FOLR2: variants seen among roughly 807,000 people sequenced by gnomAD.
FOLR2 encodes folate receptor 2 (fetal).
FOLR2 carries 14 observed loss-of-function variants against 20.4 expected under a neutral mutation model. The ratio of observed to expected loss-of-function variants is 0.68; its 90% CI spans 0.45 to 1.07. The LOEUF (loss-of-function observed/expected upper bound fraction) is 1.07, where lower values mean the gene tolerates loss of function less well. FOLR2 is among the 50% of genes least tolerant of loss of function. The pLI is 0.00. For missense variants in FOLR2, 269 were observed against 322.6 expected, an observed-to-expected ratio of 0.83 and a Z score of 1.27; for synonymous variants, 114 against 114.3, an observed-to-expected ratio of 1.00 and a Z score of 0.02.
chr11:72,217,376 G>A (rs1948408761), intron 1 of FOLR2: 3 of 1,289,294 alleles, frequency 2.3e-6, no homozygotes, highest in Non-Finnish European at 3.0e-6. Context: ...CAACTTGAAG[G>A]GGAAGAAATT....
intron 2 of FOLR2, 45 bp downstream of exon 2, chr11:72,218,779 C>T (rs1319562425): frequency 1.2e-5 from 19 of 1,543,322 alleles, no homozygotes; most frequent in African/African-American, 2.7e-5. Context: ...CTTGTTCTAA[C>T]AGGGAGGAGA....
chr11:72,217,305 G>A, intron 1 of FOLR2: 2 of 1,180,260 alleles, frequency 1.7e-6, no homozygotes, highest in African/African-American at 3.1e-5. Context: ...TTACAGGCGT[G>A]AGCCACTGTG....
In FOLR2 at chr11:72,221,780, T is replaced by C; in HGVS notation, c.*18T>C. On this transcript the variant is annotated 3_prime_UTR_variant, in exon 5 of 5. Coordinates refer to ENST00000298223, the MANE Select transcript of FOLR2 (RefSeq NM_000803.5). ...TTGGCTGAGTTCAGTCCTCCCAGAC[T>C]ACCTGCCCTCAGCTTGGATAACCAG... The C allele has an allele frequency of 6.2e-7, 1 of 1,606,964 alleles. No individual in the cohort carries two copies. Among genetic ancestry groups the C allele is most frequent in the Non-Finnish European group, 8.5e-7 (1 of 1,174,948 alleles).
chr11:72,219,095 G>A (rs1318259811), intron 2 of FOLR2, among the ~76,000 whole-genome samples: 1 of 152,230 alleles, frequency 6.6e-6, no homozygotes, highest in East Asian at 1.9e-4. Flanking sequence ...GCCCACACAG[G>A]AGCTGGACAT....
At position 72,221,708 on chromosome 11, in the gene FOLR2, T is replaced by TG; in HGVS notation, c.719dup (p.Leu241SerfsTer44). ...ATGCTGGTGAGATGCTTCATGGGACTGGGGGTCTCCTGCTCAGTCTGGCCC... is the reference window on the plus strand; with the variant it reads ...ATGCTGGTGAGATGCTTCATGGGACTGGGGGGTCTCCTGCTCAGTCTGGCCC... On this transcript the variant is annotated frameshift_variant, in exon 5 of 5. Transcript: ENST00000298223. LOFTEE classifies it low-confidence loss of function (END_TRUNC). The TG allele has an allele frequency of 4.3e-6, 7 of 1,614,066 alleles. No individual in the cohort carries two copies. Among genetic ancestry groups the TG allele is most frequent in the Non-Finnish European group, 5.9e-6 (7 of 1,179,926 alleles).
chr11:72,221,067 T>TCGGGGGGGGGGGGCGCCCCCCCCCCCCCC lies in FOLR2; in HGVS notation c.339+10_339+11insGGGGGGGGGGGGCGCCCCCCCCCCCCCCC. The TCGGGGGGGGGGGGCGCCCCCCCCCCCCCC allele has an allele frequency of 6.4e-7, 1 of 1,570,114 alleles. No individual in the cohort carries two copies. The highest frequency in any genetic ancestry group is 8.7e-7 in the Non-Finnish European group (1 of 1,154,910). On this transcript the variant is annotated intron_variant, in intron 3 of 4. Transcript: ENST00000298223. ...GGCCCTGGATCCAGCAGGTAGGGTG[T>TCGGGGGGGGGGGGCGCCCCCCCCCCCCCC]CTCCCCCCCACCCACCCCAGCAGAC...
At chr11:72,219,670 G>C (rs1296503943) in intron 2 of FOLR2, among the ~76,000 whole-genome samples, 1 of 152,110 alleles carries the variant, frequency 6.6e-6, no homozygotes, top group Non-Finnish European at 1.5e-5. Flanking sequence ...CAATGTTGCT[G>C]TTGATGTCAT....
intron 2 of FOLR2, among the ~76,000 whole-genome samples, chr11:72,220,528 A>G (rs1591258415): frequency 6.6e-6 from 1 of 152,234 alleles, no homozygotes; most frequent in East Asian, 1.9e-4. Flanking sequence ...CCCAGCATCT[A>G]TAACCGTGAC....
In FOLR2 at chr11:72,221,509, T is replaced by C. The variant is rs1013777420; in HGVS notation, c.515T>C (p.Phe172Ser). 2 of 1,613,950 alleles carry C rather than the reference T, an allele frequency of 1.2e-6. No homozygotes were observed. The highest frequency in any genetic ancestry group is 2.7e-5 in the African/African-American group (2 of 75,040). Residue 172 changes from phenylalanine to serine, a missense_variant, in exon 5 of 5, where the codon TTT (phenylalanine) becomes TCT (serine). Phe to Ser is a radical substitution (Grantham distance 155, BLOSUM62 -2). Transcript: ENST00000298223. ...CCAGCTGGGGCTCTCTGCCGCACCT[T>C]TGAGTCCTACTTCCCCACTCCAGCT... is the stretch of plus-strand genomic sequence containing the variant. Reference protein sequence around the residue: ...KCPAGALCRTFESYFPTPAAL... With the variant: ...KCPAGALCRTSESYFPTPAAL...
chr11:72,220,732 A>T (rs988785237), intron 2 of FOLR2, 138 bp from the exon 3 acceptor site: 12 of 1,015,154 alleles, frequency 1.2e-5, no homozygotes, highest in Non-Finnish European at 1.6e-5. Context: ...GGAGAGAGGG[A>T]CCATCATCTG....
chr11:72,220,134 C>T (rs74236654), intron 2 of FOLR2, among the ~76,000 whole-genome samples: 2,348 of 152,312 alleles, frequency 0.015, 26 homozygotes, highest in East Asian at 0.047. Context: ...CGAGCCACCA[C>T]GCCCAGCCTG....
At position 72,221,067 on chromosome 11, in the gene FOLR2, T is replaced by TCGGGGGGGGGGCCCCCC; in HGVS notation, c.339+10_339+11insGGGGGGGGGGCCCCCCC. 2.0e-5 allele frequency: 31 copies of TCGGGGGGGGGGCCCCCC among 1,569,614 alleles called. No homozygotes were observed. Among genetic ancestry groups the TCGGGGGGGGGGCCCCCC allele is most frequent in the African/African-American group, 2.8e-5 (2 of 71,412 alleles). ...GGCCCTGGATCCAGCAGGTAGGGTG[T>TCGGGGGGGGGGCCCCCC]CTCCCCCCCACCCACCCCAGCAGAC... On this transcript the variant is annotated intron_variant, in intron 3 of 4. Transcript: ENST00000298223.
chr11:72,217,514 C>T (rs1948411148), intron 1 of FOLR2: 3 of 678,312 alleles, frequency 4.4e-6, no homozygotes, highest in Non-Finnish European at 6.9e-6. Context: ...AAAGGAACAG[C>T]TCTGTAATGG....
At chr11:72,220,244 GAATA>G (rs2135402884) in intron 2 of FOLR2, among the ~76,000 whole-genome samples, 1 of 152,272 alleles carries the variant, frequency 6.6e-6, no homozygotes, top group Admixed American at 6.5e-5. Context: ...ATGCCAAGAA[GAATA>G]AATATATTCA....
At chr11:72,220,501 T>C (rs993755496) in intron 2 of FOLR2, among the ~76,000 whole-genome samples, 32 of 152,258 alleles carry the variant, frequency 2.1e-4, no homozygotes, top group Non-Finnish European at 4.4e-4. Context: ...TCTGTCTGTT[T>C]TGTTCTCTTC....
Position 72,216,942 on chromosome 11 carries a change from A to C in FOLR2, c.-25+17A>C. The stretch of plus-strand genomic sequence containing the variant: ...GAGGTTCAGGCAAGATGCCCGAAGG[A>C]GGGAAGGGTGACAAGGGCAGTGGGG... On this transcript the variant is annotated intron_variant, in intron 1 of 4. Coordinates refer to ENST00000298223, the MANE Select transcript of FOLR2 (RefSeq NM_000803.5). 6.3e-7 allele frequency: 1 copy of C among 1,599,448 alleles called. No individual in the cohort carries two copies. The highest frequency in any genetic ancestry group is 8.5e-7 in the Non-Finnish European group (1 of 1,179,726).
intron 1 of FOLR2, among the ~76,000 whole-genome samples, chr11:72,218,237 G>A (rs1459335417): frequency 1.3e-5 from 2 of 152,182 alleles, no homozygotes; most frequent in Non-Finnish European, 2.9e-5. Context: ...GGGAAGCAGA[G>A]GATAGACCTG....
chr11:72,221,947 T>A lies in FOLR2; in HGVS notation c.*185T>A, dbSNP rs994866857. The A allele has an allele frequency of 6.6e-6, 4 of 610,680 alleles. No individual in the cohort carries two copies. Among genetic ancestry groups the A allele is most frequent in the Non-Finnish European group, 1.1e-5 (4 of 352,560 alleles). The allele number at this position is 610,680 out of a possible 1,614,324, so 37.8% of individuals were successfully genotyped here. On this transcript the variant is annotated 3_prime_UTR_variant, in exon 5 of 5. Transcript: ENST00000298223. ...AATAAACAGACTGTTTTCTAATAAT[T>A]CCATGTCTGTGGAATTGTTTTGGTT...
rs114261779 is a variant in FOLR2, at chr11:72,218,412, C to T, written c.-24-149C>T. ...AGCCCTCCTGGTCAACCCTCTCTAC[C>T]CTAGCCTCAGGGAGCTTCAGGGCCC... On this transcript the variant is annotated intron_variant, in intron 1 of 4. Transcript: ENST00000298223. The T allele has an allele frequency of 3.6e-3, 2,428 of 670,944 alleles. 43 individuals are homozygous for T. In the African/African-American group the frequency reaches 0.04, roughly 11 times the overall value. 41.6% of individuals were successfully genotyped at this position (670,944 alleles called of 1,614,324 possible). A position where few individuals can be genotyped will look rare whatever the true frequency, so the allele number is the denominator to read the frequency against.
Sources: allele counts gnomAD v4.1 joint callset (sites outside exome capture counted in the v4.1 genomes callset), GRCh38; gene constraint gnomAD v4.1.1; transcripts MANE v1.5; gene names NCBI Gene and HGNC (gene_info 2026-07-23, HGNC 2026-07-21).